The following NPHS1 variants were observed in gnomAD, a reference collection of about 807,000 sequenced individuals.
NPHS1 encodes the protein NPHS1 adhesion molecule, nephrin, also known as nephrin.
Under a neutral mutation model 139.7 loss-of-function variants are expected in NPHS1, and 107 were observed. The ratio of observed to expected loss-of-function variants is 0.77; its 90% CI spans 0.66 to 0.90. The LOEUF is 0.90. Among genes scored for constraint, NPHS1 ranks in the 40% least tolerant of loss-of-function variants. The pLI, the probability that NPHS1 is intolerant of heterozygous loss-of-function variation, is 0.00. For missense variants in NPHS1, 1,580 were observed against 1,654.2 expected (o/e 0.96, Z 0.78); for synonymous variants, 707 against 706.6 (o/e 1.00, Z -0.01).
intron 23 of NPHS1, among the ~76,000 whole-genome samples, chr19:35,834,178 C>A (rs1198220185): frequency 1.3e-5 from 2 of 152,154 alleles, no homozygotes; most frequent in Non-Finnish European, 2.9e-5. Context: ...CTTGCTTTGG[C>A]CAATGAGACA....
intron 28 of NPHS1, among the ~76,000 whole-genome samples, chr19:35,830,475 T>C (rs1282379430): frequency 2.0e-5 from 3 of 152,228 alleles, no homozygotes; most frequent in Non-Finnish European, 4.4e-5. Flanking sequence ...AGTGGCACCA[T>C]CATGGCTCAC....
intron 5 of NPHS1, among the ~76,000 whole-genome samples, 166 bp downstream of exon 5, chr19:35,850,198 G>A (rs1973216277): frequency 6.6e-6 from 1 of 152,236 alleles, no homozygotes; most frequent in African/African-American, 2.4e-5. Flanking sequence ...TTACAGGCAT[G>A]AGCCACCACC....
Position 35,845,753 on chromosome 19 carries a change from C to A in NPHS1, c.1673G>T (p.Arg558Leu). ...TGTCAAGTTTAAGGCGTCTCCCGGG[C>A]GCAGTGCGGATGCGTTGGCCAGGAT... is the stretch of plus-strand genomic sequence containing the variant. ...VTILANASAL[R>L]PGDALNLTCV... Residue 558 changes from arginine to leucine, a missense_variant, in exon 13 of 29, where the codon CGC becomes CTC. Coordinates refer to ENST00000378910, the MANE Select transcript of NPHS1 (RefSeq NM_004646.4). The surrounding 1 kb of genome is among the most constrained non-coding windows in gnomAD (Gnocchi z 5.5). The A allele has an allele frequency of 1.2e-6, 2 of 1,614,114 alleles. No individual in the cohort carries two copies. Among genetic ancestry groups the A allele is most frequent in the Non-Finnish European group, 8.5e-7 (1 of 1,179,982 alleles).
chr19:35,850,056 C>T lies in NPHS1; in HGVS notation c.608+308G>A, dbSNP rs143911689. Among the ~76,000 whole-genome samples the T allele has an allele frequency of 3.6e-3, 544 of 152,300 alleles. 3 individuals carry two copies. Among genetic ancestry groups the T allele is most frequent in the African/African-American group, 0.012 (514 of 41,562 alleles). On this transcript the variant is annotated intron_variant, in intron 5 of 28. Transcript: ENST00000378910. ...TCAGCCCCCTGAGGAGCTGGGAGTA[C>T]AGGCATGCGCCACCACACCCGGCTA...
At position 35,845,244 on chromosome 19, in the gene NPHS1, T is replaced by A. The variant is rs1973117899; in HGVS notation, c.1930+124A>T. The A allele has an allele frequency of 8.7e-7, 1 of 1,149,220 alleles. No individual in the cohort carries two copies. Among genetic ancestry groups the A allele is most frequent in the Non-Finnish European group, 1.3e-6 (1 of 782,952 alleles). The allele number at this position is 1,149,220 out of a possible 1,614,324, so 71.2% of individuals were successfully genotyped here. ...ATGATTGCGTCACTGCATTGCAGCC[T>A]GAGCGACAAAAAATGAAAGAGAGAG... On this transcript the variant is annotated intron_variant, in intron 14 of 28. Coordinates refer to ENST00000378910, the MANE Select transcript of NPHS1 (RefSeq NM_004646.4). This position sits in a 1 kb window ranked among gnomAD's most constrained non-coding sequence, Gnocchi z 5.5.
chr19:35,843,264 A>G (rs891815690), intron 17 of NPHS1, among the ~76,000 whole-genome samples: 3 of 152,094 alleles, frequency 2.0e-5, no homozygotes, highest in African/African-American at 7.2e-5. Flanking sequence ...CTATCTATCC[A>G]TCTACCTACC....
chr19:35,833,086 G>C (rs1972906342), intron 23 of NPHS1, among the ~76,000 whole-genome samples: 1 of 150,168 alleles, frequency 6.7e-6, no homozygotes, highest in African/African-American at 2.5e-5. Flanking sequence ...TAGAGACGGA[G>C]TTTCGCCATG....
chr19:35,828,771 C>T lies in NPHS1; in HGVS notation c.3594+2073G>A, dbSNP rs144741540. On this transcript the variant is annotated intron_variant, in intron 28 of 28. Transcript: ENST00000378910. ...AGTTTGAGGAAGACCGTATGTCCCACACAGCCCAAAGCATTTACTACTATC... is the reference window on the plus strand; with the variant it reads ...AGTTTGAGGAAGACCGTATGTCCCATACAGCCCAAAGCATTTACTACTATC... Among the ~76,000 whole-genome samples the T allele has an allele frequency of 3.6e-3, 543 of 152,280 alleles. 3 individuals carry two copies. The highest frequency in any genetic ancestry group is 0.012 in the African/African-American group (518 of 41,560).
At position 35,827,150 on chromosome 19, in the gene NPHS1, A is replaced by AT. The variant is rs1017667167; in HGVS notation, c.3595-506dup. On this transcript the variant is annotated intron_variant, in intron 28 of 28. Coordinates refer to ENST00000378910, the MANE Select transcript of NPHS1 (RefSeq NM_004646.4). ...ATCACCACACCCAGCTAACTTTTGA[A>AT]TTTTTTTTTTTTTTAAAGACGAGGT... Among the ~76,000 whole-genome samples the AT allele has an allele frequency of 9.0e-4, 130 of 144,172 alleles. 2 individuals are homozygous for AT. The highest frequency in any genetic ancestry group is 3.5e-3 in the Middle Eastern group (1 of 282). 94.6% of individuals were successfully genotyped at this position (144,172 alleles called of 152,430 possible). A position where few individuals can be genotyped will look rare whatever the true frequency, so the allele number is the denominator to read the frequency against.
At position 35,842,393 on chromosome 19, in the gene NPHS1, C is replaced by T. The variant is rs756687217; in HGVS notation, c.2492G>A (p.Arg831His). ...GVAPPARRLL[R>H]LVVRFAPQVE... is the part of the protein sequence containing the mutation. The stretch of plus-strand genomic sequence containing the variant: ...GTAATACCCACATCTGACAACAAGA[C>T]GGAGCAGCCGTCGTGCTGGAGGCGC... Residue 831 changes from arginine (R) to histidine (H), a missense_variant, in exon 18 of 29, where the codon CGT becomes CAT. Transcript: ENST00000378910. 141 of 1,613,878 alleles carry T rather than the reference C, an allele frequency of 8.7e-5. No individual in the cohort carries two copies. Among genetic ancestry groups the T allele is most frequent in the Admixed American group, 3.3e-4 (20 of 60,000 alleles).
chr19:35,828,215 C>G (rs1790502009), intron 28 of NPHS1, among the ~76,000 whole-genome samples: 1 of 152,160 alleles, frequency 6.6e-6, no homozygotes, highest in Non-Finnish European at 1.5e-5. Flanking sequence ...GGCCTGCCAC[C>G]TGCTTTTTTA....
At chr19:35,830,449 G>T (rs927250143) in intron 28 of NPHS1, among the ~76,000 whole-genome samples, 1 of 152,170 alleles carries the variant, frequency 6.6e-6, no homozygotes, top group African/African-American at 2.4e-5. Flanking sequence ...TTGCTCTGTT[G>T]CCCAAGCTGG....
Position 35,845,419 on chromosome 19 carries a change from T to TGTGG in NPHS1, c.1875_1878dup (p.Ser627ProfsTer48). ...CTCACGGTTTCGCGGAGCTCGGCGCTGTGGGCGCGGCAGGTCACGCGCTGG... is the reference window on the plus strand; with the variant it reads ...CTCACGGTTTCGCGGAGCTCGGCGCTGTGGGTGGGCGCGGCAGGTCACGCGCTGG... On this transcript the variant is annotated frameshift_variant, in exon 14 of 29. Coordinates refer to ENST00000378910, the MANE Select transcript of NPHS1 (RefSeq NM_004646.4). LOFTEE classifies it high-confidence loss of function. This position sits in a 1 kb window ranked among gnomAD's most constrained non-coding sequence, Gnocchi z 5.5. The TGTGG allele has an allele frequency of 1.9e-6, 3 of 1,614,216 alleles. No individual in the cohort carries two copies. The highest frequency in any genetic ancestry group is 2.5e-6 in the Non-Finnish European group (3 of 1,180,042).
chr19:35,849,578 G>T lies in NPHS1; in HGVS notation c.684C>A (p.Ile228=). ...GAACATTCACGGTGAATGAGGCCTT[G>T]ATGGGGGCCTCCAGTGCTGGGCTAG... ...EASSPALEAP[I]KASFTVNVLF... The change falls in exon 6 of 29, where the codon ATC becomes ATA. Residue 228 remains isoleucine, a synonymous_variant. Coordinates refer to ENST00000378910, the MANE Select transcript of NPHS1 (RefSeq NM_004646.4). The T allele has an allele frequency of 6.2e-7, 1 of 1,613,840 alleles. No individual in the cohort carries two copies.
In NPHS1 at chr19:35,837,026, A is replaced by AAAAGAAAGAAAGAAAGAAAG. The variant is rs201666209; in HGVS notation, c.3110-1285_3110-1266dup. Among the ~76,000 whole-genome samples the AAAAGAAAGAAAGAAAGAAAG allele has an allele frequency of 8.8e-4, 116 of 131,918 alleles. 1 individual carries two copies. The highest frequency in any genetic ancestry group is 1.2e-3 in the Non-Finnish European group (75 of 64,210). The allele number at this position is 131,918 out of a possible 152,430, so 86.5% of individuals were successfully genotyped here. ...AAAAAAAAAAGAAAGAAAAGAAAAG[A>AAAAGAAAGAAAGAAAGAAAG]AAAGAAAGAAAGAAAGAAAGAAAGA... On this transcript the variant is annotated intron_variant, in intron 22 of 28. Coordinates refer to ENST00000378910, the MANE Select transcript of NPHS1 (RefSeq NM_004646.4).
chr19:35,840,755 C>A (rs1267171314), intron 20 of NPHS1, among the ~76,000 whole-genome samples: 3 of 148,626 alleles, frequency 2.0e-5, no homozygotes, highest in African/African-American at 7.5e-5. Context: ...GTGGCGCGAA[C>A]TCAGCTCACT....
chr19:35,830,905 T>A lies in NPHS1; in HGVS notation c.3533A>T (p.Glu1178Val). 6.2e-7 allele frequency: 1 copy of A among 1,614,032 alleles called. No individual in the cohort carries two copies. Among genetic ancestry groups the A allele is most frequent in the Non-Finnish European group, 8.5e-7 (1 of 1,179,928 alleles). Residue 1178 changes from glutamate to valine, a missense_variant, in exon 28 of 29, where the codon GAG (glutamate) becomes GTG (valine). Glu to Val is a moderately radical substitution (Grantham distance 121, BLOSUM62 -2). Transcript: ENST00000378910. Reference protein sequence around the residue: ...DMAFPGHLYDEVERTYPPSGA... With the variant: ...DMAFPGHLYDVVERTYPPSGA... Reference sequence around the variant, plus strand: ...AGACGGGGGGTACGTTCTTTCTACCTCATCATACAAGTGCCCAGGGAAGGC... The same window carrying A: ...AGACGGGGGGTACGTTCTTTCTACCACATCATACAAGTGCCCAGGGAAGGC...
At position 35,839,509 on chromosome 19, in the gene NPHS1, T is replaced by A. The variant is rs1419436308; in HGVS notation, c.2914A>T (p.Arg972Trp). The A allele has an allele frequency of 1.2e-6, 2 of 1,613,902 alleles. No individual in the cohort carries two copies. Among genetic ancestry groups the A allele is most frequent in the Non-Finnish European group, 1.7e-6 (2 of 1,179,960 alleles). Residue 972 changes from arginine (R) to tryptophan (W), a missense_variant, in exon 21 of 29, where the codon AGG (arginine) becomes TGG (tryptophan). Arg to Trp is a moderately radical substitution (Grantham distance 101). Coordinates refer to ENST00000378910, the MANE Select transcript of NPHS1 (RefSeq NM_004646.4). ...ACAAGGACCCACCTGATGCAGAACCTCTGTGGCAGGCCCCCATCAAAGCCA... is the reference window on the plus strand; with the variant it reads ...ACAAGGACCCACCTGATGCAGAACCACTGTGGCAGGCCCCCATCAAAGCCA... ...KPGFDGGLPQ[R>W]FCIRYEALGT... is the part of the protein sequence containing the mutation.
chr19:35,847,678 T>C (rs1973165040), intron 11 of NPHS1, among the ~76,000 whole-genome samples: 1 of 151,920 alleles, frequency 6.6e-6, no homozygotes, highest in Admixed American at 6.6e-5. Flanking sequence ...ATTGTTTTTT[T>C]TTTTTTTCTG....
Sources: allele counts gnomAD v4.1 joint callset (sites outside exome capture counted in the v4.1 genomes callset), GRCh38; gene constraint gnomAD v4.1.1; non-coding constraint Gnocchi (gnomAD v3.1); transcripts MANE v1.5; gene names NCBI Gene and HGNC (gene_info 2026-07-23, HGNC 2026-07-21).